Variants in ROBO2 observed in about 807,000 individuals in gnomAD.
The protein encoded by ROBO2 is roundabout guidance receptor 2.
ROBO2 carries 53 observed loss-of-function variants against 160.8 expected under a neutral mutation model. The observed-to-expected ratio is 0.33, with a 90% confidence interval of 0.26 to 0.41. The LOEUF is 0.41. Ranked by LOEUF, ROBO2 falls within the 10% of genes least tolerant of loss-of-function variation. ROBO2 has a pLI of 1.00. For synonymous variants in ROBO2, 664 were observed against 611.7 expected, an observed-to-expected ratio of 1.09 and a Z score of -1.26; for missense variants, 1,577 against 1,722.4, an observed-to-expected ratio of 0.92 and a Z score of 1.49.
At position 77,237,348 on chromosome 3, in the gene ROBO2, C is replaced by T. The variant is rs143173343; in HGVS notation, c.388+139008C>T. Among the ~76,000 whole-genome samples, 298 of 151,410 alleles carry T rather than the reference C, an allele frequency of 2.0e-3. 1 individual carries two copies. The highest frequency in any genetic ancestry group is 6.8e-3 in the African/African-American group (281 of 41,288). ...CCCAAGTAGCAGGGACCATACTGTA[C>T]GCCACCATACCTAGCTTTTCTTTTC... On this transcript the variant is annotated intron_variant, in intron 2 of 25. Transcript: ENST00000461745.
intron 2 of ROBO2, among the ~76,000 whole-genome samples, chr3:76,791,910 GTTAA>G (rs1186468794): frequency 6.6e-6 from 1 of 151,806 alleles, no homozygotes; most frequent in Admixed American, 6.6e-5. Context: ...TTTACATTTT[GTTAA>G]TTATTATAAA....
chr3:76,126,970 T>C (rs2108316291), intron 2 of ROBO2, among the ~76,000 whole-genome samples: 1 of 152,306 alleles, frequency 6.6e-6, no homozygotes, highest in African/African-American at 2.4e-5. Flanking sequence ...ACACATGTCC[T>C]TTCCGTGTTT....
intron 2 of ROBO2, among the ~76,000 whole-genome samples, chr3:76,792,098 A>G (rs1451165720): frequency 6.6e-6 from 1 of 151,894 alleles, no homozygotes; most frequent in African/African-American, 2.4e-5. Context: ...AAAAGAAAAA[A>G]CGTTCTGGTA....
chr3:76,463,281 C>T (rs936230555), intron 2 of ROBO2, among the ~76,000 whole-genome samples: 1 of 151,896 alleles, frequency 6.6e-6, no homozygotes, highest in Admixed American at 6.6e-5. Flanking sequence ...GGTCAAGGTA[C>T]CCTAACTTCT....
At chr3:76,592,620 C>A (rs1422079729) in intron 2 of ROBO2, among the ~76,000 whole-genome samples, 1 of 152,072 alleles carries the variant, frequency 6.6e-6, no homozygotes, top group Non-Finnish European at 1.5e-5. Context: ...TTTCTTGTCA[C>A]TGGGTAACAA....
chr3:76,174,764 A>G (rs2073166273), intron 2 of ROBO2, among the ~76,000 whole-genome samples: 1 of 152,088 alleles, frequency 6.6e-6, no homozygotes, highest in African/African-American at 2.4e-5. Context: ...TGGTTACTGT[A>G]GCCTTATAGT....
chr3:77,113,088 T>G (rs1296955988), intron 2 of ROBO2, among the ~76,000 whole-genome samples: 1 of 152,214 alleles, frequency 6.6e-6, no homozygotes, highest in African/African-American at 2.4e-5. Flanking sequence ...AAATCCCGTT[T>G]GTGCATACGT....
chr3:76,799,341 C>T lies in ROBO2; in HGVS notation c.110-298673C>T, dbSNP rs151008268. Among the ~76,000 whole-genome samples the T allele has an allele frequency of 1.4e-3, 216 of 152,204 alleles. 1 individual carries two copies. The highest frequency in any genetic ancestry group is 5.1e-3 in the African/African-American group (211 of 41,548). The stretch of plus-strand genomic sequence containing the variant: ...AACAAGGCAAGGATGCCTACTCTCA[C>T]CACTGTTATTCAAATAGTACTGGAA... On this transcript the variant is annotated intron_variant, in intron 2 of 26. Coordinates refer to the ROBO2 transcript ENST00000487694.
intron 2 of ROBO2, among the ~76,000 whole-genome samples, chr3:77,423,003 T>G (rs1372247424): frequency 2.0e-5 from 3 of 152,180 alleles, no homozygotes; most frequent in African/African-American, 7.2e-5. Context: ...TCTATGGCAG[T>G]CAGAGTTATA....
At chr3:77,499,618 T>A (rs1192184388) in intron 5 of ROBO2, among the ~76,000 whole-genome samples, 1 of 151,278 alleles carries the variant, frequency 6.6e-6, no homozygotes, top group African/African-American at 2.4e-5. Context: ...TAGAAACATA[T>A]ACAATATTAT....
intron 2 of ROBO2, among the ~76,000 whole-genome samples, chr3:77,351,014 G>A (rs1234413231): frequency 6.6e-6 from 1 of 152,150 alleles, no homozygotes; most frequent in Non-Finnish European, 1.5e-5. Context: ...TTATGCTTTG[G>A]TGGTTTCTCC....
intron 2 of ROBO2, among the ~76,000 whole-genome samples, chr3:76,992,396 T>G (rs942292021): frequency 2.2e-4 from 32 of 147,328 alleles, no homozygotes; most frequent in Non-Finnish European, 2.5e-4. Context: ...AAAAAAAGTA[T>G]ATGCATATTT....
At chr3:76,916,324 A>G (rs1010549558) in intron 2 of ROBO2, among the ~76,000 whole-genome samples, 4 of 152,112 alleles carry the variant, frequency 2.6e-5, no homozygotes, top group African/African-American at 9.6e-5. Flanking sequence ...AAATGCAAAT[A>G]AAAGAGACTT....
chr3:76,212,448 T>C (rs947515146), intron 2 of ROBO2, among the ~76,000 whole-genome samples: 2 of 152,080 alleles, frequency 1.3e-5, no homozygotes, highest in Non-Finnish European at 2.9e-5. Flanking sequence ...AAAATATAAT[T>C]TAAAATATAT....
intron 2 of ROBO2, among the ~76,000 whole-genome samples, chr3:76,560,616 C>CAA (rs1160642120): frequency 6.3e-4 from 68 of 108,020 alleles, no homozygotes; most frequent in African/African-American, 1.9e-3. Context: ...TCTGATTTCA[C>CAA]AAAAAAAAAA....
intron 2 of ROBO2, among the ~76,000 whole-genome samples, chr3:75,983,864 C>G (rs542743755): frequency 6.6e-6 from 1 of 151,614 alleles, no homozygotes; most frequent in South Asian, 2.1e-4. Context: ...AAAACACAGA[C>G]ATTTAATTAC....
At chr3:76,403,925 A>C (rs1364421761) in intron 2 of ROBO2, among the ~76,000 whole-genome samples, 1 of 151,634 alleles carries the variant, frequency 6.6e-6, no homozygotes. Flanking sequence ...GATTTATGAG[A>C]GATAGTCTAA....
intron 2 of ROBO2, among the ~76,000 whole-genome samples, chr3:76,819,881 A>C (rs186697073): frequency 6.6e-6 from 1 of 152,148 alleles, no homozygotes; most frequent in Admixed American, 6.6e-5. Flanking sequence ...GTGTGAGTCT[A>C]TGTTGGGAGA....
At chr3:77,073,883 A>T (rs745816019) in intron 1 of ROBO2, among the ~76,000 whole-genome samples, 1 of 152,170 alleles carries the variant, frequency 6.6e-6, no homozygotes, top group Non-Finnish European at 1.5e-5. Flanking sequence ...GTGAAGCTTT[A>T]TGCCTAGTTG....
Sources: gnomAD v4.1 joint callset for allele counts (sites outside exome capture counted in the v4.1 genomes callset) on GRCh38, gnomAD v4.1.1 for gene constraint, MANE v1.5 for transcripts, NCBI Gene and HGNC (gene_info 2026-07-23, HGNC 2026-07-21) for gene names.